The following LHX9 variants were observed in gnomAD, a reference collection of about 807,000 sequenced individuals.
LHX9 encodes the protein LIM/homeobox protein Lhx9.
Under a neutral mutation model 36.5 loss-of-function variants are expected in LHX9, and 9 were observed. The observed-to-expected ratio is 0.25, with a 90% CI of 0.15 to 0.43. The LOEUF (loss-of-function observed/expected upper bound fraction) is 0.43, where lower values mean the gene tolerates loss of function less well. Among genes scored for constraint, LHX9 ranks in the 20% least tolerant of loss-of-function variants. The pLI, the probability that LHX9 is intolerant of heterozygous loss-of-function variation, is 1.00. For missense variants in LHX9, 464 were observed against 526.4 expected (o/e 0.88, Z 1.16); for synonymous variants, 211 against 212.1 (o/e 0.99, Z 0.04).
upstream of LHX9, chr1:197,916,092 C>G (rs530994995): frequency 6.6e-5 from 10 of 152,528 alleles, no homozygotes; most frequent in African/African-American, 2.4e-4. Context: ...CAGAGAGCGG[C>G]CGGCGCGTCC....
chr1:197,928,924 AAAAG>A (rs982615894), intron 4 of LHX9, 74 bp from the exon 5 acceptor site: 104 of 1,407,728 alleles, frequency 7.4e-5, no homozygotes, highest in Non-Finnish European at 9.3e-5. Flanking sequence ...GAAAAAGAAA[AAAAG>A]AAAAAGTGAG....
intron 4 of LHX9, among the ~76,000 whole-genome samples, chr1:197,928,782 A>G (rs943488176): frequency 2.0e-5 from 3 of 151,134 alleles, no homozygotes; most frequent in South Asian, 2.1e-4. Flanking sequence ...CAGTTGAGAG[A>G]TAATAAATCT....
At position 197,917,632 on chromosome 1, in the gene LHX9, C is replaced by T. The variant is rs930426644; in HGVS notation, c.-192C>T. ...TTCAGGGAGCCGCTGAGGCTTCCCC[C>T]CAACTCTTCCCAGTTCTTTTTGCTT... On this transcript the variant is annotated 5_prime_UTR_variant, in exon 1 of 5. Transcript: ENST00000367387. The T allele has an allele frequency of 5.3e-6, 8 of 1,509,536 alleles. No individual in the cohort carries two copies. Among genetic ancestry groups the T allele is most frequent in the African/African-American group, 4.3e-5 (3 of 70,534 alleles). 93.5% of individuals were successfully genotyped at this position (1,509,536 alleles called of 1,614,324 possible). A position where few individuals can be genotyped will look rare whatever the true frequency, so the allele number is the denominator to read the frequency against.
intron 1 of LHX9, chr1:197,918,570 A>AG (rs1057514646): frequency 1.7e-6 from 1 of 578,288 alleles, no homozygotes; most frequent in Admixed American, 3.0e-5. Flanking sequence ...CTAAGGAGAC[A>AG]GCACTACGTT....
intron 3 of LHX9, among the ~76,000 whole-genome samples, chr1:197,923,189 C>T (rs1469902579): frequency 9.2e-5 from 14 of 152,210 alleles, no homozygotes; most frequent in Non-Finnish European, 7.3e-5. Context: ...GGGGTTCATA[C>T]CAGGGCTGCT....
At chr1:197,914,392 AGG>A (rs1278855961), upstream of LHX9, among the ~76,000 whole-genome samples, 1 of 68,586 alleles carries the variant, frequency 1.5e-5, no homozygotes, top group East Asian at 5.4e-4. Context: ...AGCTGGGAGA[AGG>A]GGGAACATTT....
intron 1 of LHX9, chr1:197,918,290 T>C (rs1215679356): frequency 7.0e-6 from 5 of 717,374 alleles, no homozygotes; most frequent in Non-Finnish European, 1.0e-5. Flanking sequence ...TCTACAGACC[T>C]CAAGGTTCCC....
intron 4 of LHX9, 142 bp from the exon 5 acceptor site, chr1:197,928,860 C>A (rs1221132328): frequency 3.3e-6 from 3 of 922,988 alleles, no homozygotes; most frequent in East Asian, 3.1e-5. Context: ...CTAAGAAAGA[C>A]AAACAATGAT....
At chr1:197,923,670 T>C (rs1660062392) in intron 3 of LHX9, among the ~76,000 whole-genome samples, 1 of 152,184 alleles carries the variant, frequency 6.6e-6, no homozygotes, top group African/African-American at 2.4e-5. Flanking sequence ...ATTTGCTAAA[T>C]TTGATTTCGC....
rs1400917028 is a variant in LHX9, at chr1:197,932,015, T to A, written c.*2756T>A. On this transcript the variant is annotated 3_prime_UTR_variant, in exon 5 of 5. Transcript: ENST00000367387. ...GGGAAAAGTTTGATCGGAAATCCAC[T>A]GCAGTGAAGACAAAGACACTATTAG... 7.1e-7 allele frequency: 1 copy of A among 1,418,414 alleles called. No individual in the cohort carries two copies. The highest frequency in any genetic ancestry group is 9.7e-7 in the Non-Finnish European group (1 of 1,029,042). 87.9% of individuals were successfully genotyped at this position (1,418,414 alleles called of 1,614,324 possible).
rs1227219120 is a variant in LHX9 at position 197,933,345 on chromosome 1, AAAG to A, written c.*4091_*4093del. Reference sequence around the variant, plus strand: ...CTGAATAATAAAAAGAAAAAATTTTAAAGAAGAGAGAGCAACTTACTAATAAAA... The same window carrying A: ...CTGAATAATAAAAAGAAAAAATTTTAAAGAGAGAGCAACTTACTAATAAAA... On this transcript the variant is annotated 3_prime_UTR_variant, in exon 5 of 5. Transcript: ENST00000367387. 1 of 152,186 alleles carries A rather than the reference AAAG, an allele frequency of 6.6e-6. No homozygotes were observed. The highest frequency in any genetic ancestry group is 1.5e-5 in the Non-Finnish European group (1 of 68,018). The allele number at this position is 152,186 out of a possible 1,614,324, so 9.4% of individuals were successfully genotyped here.
chr1:197,927,666 T>C lies in LHX9; in HGVS notation c.809T>C (p.Met270Thr). The change falls in exon 4 of 5, where the codon ATG (methionine) becomes ACG (threonine). Residue 270 changes from methionine to threonine, a missense_variant. Met to Thr is a moderately conservative substitution (Grantham distance 81). Transcript: ENST00000367387. ...CCACCCTCGCAGAAGACCAAGCGCA[T>C]GCGAACCTCTTTCAAGCATCACCAG... ...PYPPSQKTKR[M>T]RTSFKHHQLR... 1 of 1,614,156 alleles carries C rather than the reference T, an allele frequency of 6.2e-7. No individual in the cohort carries two copies. The highest frequency in any genetic ancestry group is 1.6e-4 in the Middle Eastern group (1 of 6,062).
In LHX9 at chr1:197,929,248, AAC is replaced by A. The variant is rs775291421; in HGVS notation, c.1184_1185del (p.Asn395ThrfsTer10). ...AAGCCCCTCACAAACTACCTTAACA[AAC>A]CTTTTCTAACATTGGTTTTTTTTTT... ...SGSPSQTTLT[N>X]LF On this transcript the variant is annotated frameshift_variant, in exon 5 of 5. Transcript: ENST00000367387. LOFTEE classifies it high-confidence loss of function. The A allele has an allele frequency of 7.1e-7, 1 of 1,402,672 alleles. No homozygotes were observed. Among genetic ancestry groups the A allele is most frequent in the Non-Finnish European group, 9.3e-7 (1 of 1,071,386 alleles). 86.9% of individuals were successfully genotyped at this position (1,402,672 alleles called of 1,614,324 possible).
In LHX9 at chr1:197,928,482, C is replaced by A. The variant is rs1660215714; in HGVS notation, c.937-520C>A. Among the ~76,000 whole-genome samples the A allele has an allele frequency of 2.0e-5, 3 of 152,280 alleles. No homozygotes were observed. In the South Asian group the frequency reaches 6.2e-4, roughly 32 times the overall value. On this transcript the variant is annotated intron_variant, in intron 4 of 4. Coordinates refer to ENST00000367387, the MANE Select transcript of LHX9 (RefSeq NM_020204.3). ...TTAAATTCTGCTAAACAGTTTCAGG[C>A]TGTTCGAGGTCTGTGGCCCTGGGAG...
chr1:197,922,346 G>C (rs1660019541), intron 3 of LHX9, among the ~76,000 whole-genome samples: 1 of 152,176 alleles, frequency 6.6e-6, no homozygotes, highest in Non-Finnish European at 1.5e-5. Context: ...CTCCTGAAGA[G>C]GCTTAGTGGT....
rs753139239 is a variant in LHX9 at position 197,921,699 on chromosome 1, C to T, written c.733+40C>T. The T allele has an allele frequency of 6.7e-7, 1 of 1,481,626 alleles. No homozygotes were observed. Among genetic ancestry groups the T allele is most frequent in the Non-Finnish European group, 9.0e-7 (1 of 1,112,080 alleles). The allele number at this position is 1,481,626 out of a possible 1,614,324, so 91.8% of individuals were successfully genotyped here. A position where few individuals can be genotyped will look rare whatever the true frequency, so the allele number is the denominator to read the frequency against. On this transcript the variant is annotated intron_variant, in intron 3 of 4. Coordinates refer to ENST00000367387, the MANE Select transcript of LHX9 (RefSeq NM_020204.3). The surrounding 1 kb of genome is among the most constrained non-coding windows in gnomAD (Gnocchi z 4.6). ...CTCACCCCCGGCGCAGCCCCGGCCT[C>T]CCTGAGGAAAATTCGTAGAGCTCCT...
At chr1:197,916,471 G>A (rs1057483737), upstream of LHX9, 42 of 575,844 alleles carry the variant, frequency 7.3e-5, 1 homozygote, top group Non-Finnish European at 1.3e-4. Flanking sequence ...CAAGCTCCCG[G>A]GAGTCCGCAA....
chr1:197,916,543 A>G, upstream of LHX9: 1 of 631,054 alleles, frequency 1.6e-6, no homozygotes, highest in Non-Finnish European at 2.8e-6. Flanking sequence ...CCTTCCTTCA[A>G]ACCTGAACCG....
chr1:197,927,685 T>C lies in LHX9; in HGVS notation c.828T>C (p.His276=). 8.7e-6 allele frequency: 14 copies of C among 1,614,164 alleles called. No individual in the cohort carries two copies. Among genetic ancestry groups the C allele is most frequent in the Non-Finnish European group, 1.1e-5 (13 of 1,180,034 alleles). The part of the protein sequence containing the change: ...KTKRMRTSFK[H]HQLRTMKSYF... ...AGCGCATGCGAACCTCTTTCAAGCA[T>C]CACCAGCTCCGGACCATGAAATCCT... is the stretch of plus-strand genomic sequence containing the variant. The change falls in exon 4 of 5, where the codon CAT becomes CAC. Residue 276 remains histidine (H), a synonymous_variant. Transcript: ENST00000367387.
Sources: gnomAD v4.1 joint callset for allele counts (sites outside exome capture counted in the v4.1 genomes callset) on GRCh38, gnomAD v4.1.1 for gene constraint, Gnocchi (gnomAD v3.1) non-coding constraint, MANE v1.5 for transcripts, NCBI Gene and HGNC (gene_info 2026-07-23, HGNC 2026-07-21) for gene names.